Variants in PCCA observed in about 807,000 individuals in gnomAD.
The protein encoded by PCCA is propionyl-CoA carboxylase subunit alpha.
Under a neutral mutation model 101.3 loss-of-function variants are expected in PCCA, and 74 were observed. The ratio of observed to expected loss-of-function variants is 0.73; its 90% CI spans 0.61 to 0.89. PCCA has a LOEUF of 0.89. Among genes scored for constraint, PCCA ranks in the 40% least tolerant of loss-of-function variants. PCCA has a pLI of 0.00. For synonymous variants in PCCA, 294 were observed against 313.6 expected (o/e 0.94, Z 0.66); for missense variants, 891 against 907.0 (o/e 0.98, Z 0.23).
At chr13:100,399,777 G>C (rs2077227434) in intron 19 of PCCA, among the ~76,000 whole-genome samples, 1 of 152,188 alleles carries the variant, frequency 6.6e-6, no homozygotes, top group Admixed American at 6.5e-5. Context: ...TCAATGAATA[G>C]AAATTGTAGA....
intron 6 of PCCA, among the ~76,000 whole-genome samples, chr13:100,181,771 T>A (rs1455865678): frequency 3.2e-5 from 1 of 31,018 alleles, no homozygotes; most frequent in African/African-American, 3.9e-4. Context: ...TCTTTTTTTC[T>A]TTTTTTTTTT....
chr13:100,325,473 T>A (rs2068562605), intron 16 of PCCA, among the ~76,000 whole-genome samples: 1 of 151,848 alleles, frequency 6.6e-6, no homozygotes, highest in Non-Finnish European at 1.5e-5. Context: ...ATTAAGAAAA[T>A]CATTGAAGAG....
At chr13:100,109,907 G>A (rs939258568) in intron 2 of PCCA, among the ~76,000 whole-genome samples, 2 of 152,104 alleles carry the variant, frequency 1.3e-5, no homozygotes. Flanking sequence ...CGAGGCAGGC[G>A]GATCACCTGA....
At chr13:100,248,386 A>G (rs1431710692) in intron 8 of PCCA, among the ~76,000 whole-genome samples, 2 of 151,820 alleles carry the variant, frequency 1.3e-5, no homozygotes, top group African/African-American at 2.4e-5. Context: ...CTCTATTTCT[A>G]TTGTTTCAGT....
chr13:100,368,649 C>A (rs1425170837), intron 19 of PCCA, 75 bp downstream of exon 19: 2 of 892,314 alleles, frequency 2.2e-6, no homozygotes, highest in African/African-American at 3.3e-5. Context: ...TTAACCTGTT[C>A]AGTGACTCTC....
chr13:100,502,353 TC>T (rs2152989282), intron 21 of PCCA, among the ~76,000 whole-genome samples: 1 of 152,140 alleles, frequency 6.6e-6, no homozygotes, highest in South Asian at 2.1e-4. Flanking sequence ...CACCCTCTCA[TC>T]CCACCTCACC....
chr13:100,363,359 C>T (rs1162269400), intron 18 of PCCA, among the ~76,000 whole-genome samples: 1 of 151,970 alleles, frequency 6.6e-6, no homozygotes. Flanking sequence ...ATCTCTCTCT[C>T]CTTTTTTTTT....
chr13:100,333,896 T>A (rs1207000696), intron 17 of PCCA, among the ~76,000 whole-genome samples: 2 of 152,238 alleles, frequency 1.3e-5, no homozygotes, highest in African/African-American at 4.8e-5. Flanking sequence ...TTGGACTGAA[T>A]TCAATCATTA....
At chr13:100,163,883 C>G (rs1163607411) in intron 6 of PCCA, among the ~76,000 whole-genome samples, 2 of 151,844 alleles carry the variant, frequency 1.3e-5, no homozygotes, top group African/African-American at 4.8e-5. Flanking sequence ...TTGGATCTAT[C>G]TATTTTTCAG....
At chr13:100,278,333 C>A (rs753663166) in intron 12 of PCCA, among the ~76,000 whole-genome samples, 10 of 152,022 alleles carry the variant, frequency 6.6e-5, no homozygotes, top group Non-Finnish European at 1.2e-4. Context: ...AATTGAGGTA[C>A]TTATCAGTAT....
chr13:100,524,983 G>GGATGGATAGATA (rs1555330339), intron 22 of PCCA, among the ~76,000 whole-genome samples: 166 of 137,270 alleles, frequency 1.2e-3, no homozygotes, highest in African/African-American at 3.9e-3. Flanking sequence ...TCTCTAAGAT[G>GGATGGATAGATA]GATAGATAGA....
intron 8 of PCCA, among the ~76,000 whole-genome samples, chr13:100,247,141 C>T (rs1046822722): frequency 4.0e-5 from 6 of 150,786 alleles, no homozygotes; most frequent in Non-Finnish European, 7.4e-5. Context: ...CTCCTGACCT[C>T]GGGTCATCCG....
intron 21 of PCCA, among the ~76,000 whole-genome samples, chr13:100,504,791 G>C (rs1353059724): frequency 6.6e-6 from 1 of 152,134 alleles, no homozygotes; most frequent in Non-Finnish European, 1.5e-5. Flanking sequence ...AAAATAGCTG[G>C]GTGTGGTGGA....
chr13:100,447,632 A>G (rs2080930541), intron 20 of PCCA, among the ~76,000 whole-genome samples: 1 of 151,918 alleles, frequency 6.6e-6, no homozygotes. Context: ...AGATGGTGCC[A>G]TTGCGCTCCA....
At chr13:100,275,733 TTTGGGGGTTATAAA>T in intron 12 of PCCA, among the ~76,000 whole-genome samples, 1 of 152,090 alleles carries the variant, frequency 6.6e-6, no homozygotes, top group Non-Finnish European at 1.5e-5. Flanking sequence ...CCTGTACAAG[TTTGGGGGTTATAAA>T]TACTGCTGAT....
intron 21 of PCCA, among the ~76,000 whole-genome samples, chr13:100,498,336 G>T (rs184818793): frequency 2.0e-3 from 303 of 151,938 alleles, no homozygotes; most frequent in African/African-American, 7.1e-3. Flanking sequence ...TCTCATGGAG[G>T]TTAGTACTGT....
intron 19 of PCCA, among the ~76,000 whole-genome samples, chr13:100,371,219 C>T (rs9585423): frequency 0.032 from 4,879 of 152,186 alleles, 245 homozygotes; most frequent in African/African-American, 0.11. Context: ...CAGATGTATA[C>T]ACCACAATAA....
rs536745090 is a variant in PCCA at position 100,530,265 on chromosome 13, G to A, written c.*99G>A. On this transcript the variant is annotated 3_prime_UTR_variant, in exon 24 of 24. Transcript: ENST00000376285. The stretch of plus-strand genomic sequence containing the variant: ...AAGCATTATACAGGAACACCCCTGT[G>A]CAGCTACGTTTACGTCGTCATTTAT... 314 of 954,818 alleles carry A rather than the reference G, an allele frequency of 3.3e-4. 2 individuals are homozygous for A. The African/African-American group carries it at 4.3e-3, about 13-fold the overall frequency. The allele number at this position is 954,818 out of a possible 1,614,324, so 59.1% of individuals were successfully genotyped here. A position where few individuals can be genotyped will look rare whatever the true frequency, so the allele number is the denominator to read the frequency against.
At position 100,507,468 on chromosome 13, in the gene PCCA, A is replaced by G. The variant is rs79762225; in HGVS notation, c.1900-7959A>G. ...AGTGCCCTCCTGCCCATCAGAGACC[A>G]CCTCGGAATTCTTAGAAGACTAGGA... On this transcript the variant is annotated intron_variant, in intron 21 of 23. Coordinates refer to ENST00000376285, the MANE Select transcript of PCCA (RefSeq NM_000282.4). Among the ~76,000 whole-genome samples, 444 of 151,900 alleles carry G rather than the reference A, an allele frequency of 2.9e-3. 18 individuals are homozygous for G. In the East Asian group the frequency reaches 0.056, roughly 19 times the overall value.
Sources: gnomAD v4.1 joint callset for allele counts (sites outside exome capture counted in the v4.1 genomes callset) on GRCh38, gnomAD v4.1.1 for gene constraint, MANE v1.5 for transcripts, NCBI Gene and HGNC (gene_info 2026-07-23, HGNC 2026-07-21) for gene names.